The following MAPRE2 variants were observed in gnomAD, a reference collection of about 807,000 sequenced individuals.
The protein encoded by MAPRE2 is microtubule-associated protein RP/EB family member 2.
MAPRE2 carries 13 observed loss-of-function variants against 43.2 expected under a neutral mutation model. That is an observed-to-expected ratio of 0.30 (90% CI 0.20 to 0.48). The LOEUF (loss-of-function observed/expected upper bound fraction) is 0.48. MAPRE2 is among the 20% of genes least tolerant of loss of function. The pLI is 0.99. For synonymous variants in MAPRE2, 135 were observed against 148.8 expected (o/e 0.91, Z 0.68); for missense variants, 161 against 400.2 (o/e 0.40, Z 5.10).
chr18:35,124,370 C>T (rs1909818022), intron 4 of MAPRE2, among the ~76,000 whole-genome samples: 1 of 152,156 alleles, frequency 6.6e-6, no homozygotes, highest in Non-Finnish European at 1.5e-5. Context: ...CCACGGGGTC[C>T]CTCCCACAAC....
chr18:35,138,370 G>C (rs1350005130), intron 6 of MAPRE2, among the ~76,000 whole-genome samples: 1 of 152,190 alleles, frequency 6.6e-6, no homozygotes, highest in African/African-American at 2.4e-5. Context: ...GTTCTAGGTG[G>C]TGAACACAGG....
intron 1 of MAPRE2, among the ~76,000 whole-genome samples, chr18:35,068,567 A>C (rs894034962): frequency 6.6e-6 from 1 of 152,236 alleles, no homozygotes; most frequent in African/African-American, 2.4e-5. Flanking sequence ...TGTTTGGAGA[A>C]TATTAGGGAA....
chr18:35,044,869 T>C (rs371346077), intron 1 of MAPRE2, among the ~76,000 whole-genome samples: 1 of 152,216 alleles, frequency 6.6e-6, no homozygotes, highest in East Asian at 1.9e-4. Context: ...ATGTCAAATT[T>C]GGTTCCTGAC....
chr18:35,040,243 G>A (rs1272710383), upstream of MAPRE2, among the ~76,000 whole-genome samples: 2 of 152,150 alleles, frequency 1.3e-5, no homozygotes, highest in Non-Finnish European at 2.9e-5. Context: ...CTCTCTGGAG[G>A]ACAGTACTGA....
In MAPRE2 at chr18:35,010,113, A is replaced by G. The variant is rs56356735; in HGVS notation, c.-8+4560A>G. Among the ~76,000 whole-genome samples the G allele has an allele frequency of 4.9e-3, 742 of 152,306 alleles. 3 individuals are homozygous for G. The highest frequency in any genetic ancestry group is 0.018 in the South Asian group (85 of 4,818). ...TTTAATTAAAATTTTAATTTAGACC[A>G]TGGTAGGTCACGCCTGTAATCCCAA... On this transcript the variant is annotated intron_variant, in intron 2 of 7. Transcript: ENST00000413393.
chr18:35,056,009 G>A (rs998004837), intron 1 of MAPRE2, among the ~76,000 whole-genome samples: 19 of 151,758 alleles, frequency 1.3e-4, no homozygotes, highest in Non-Finnish European at 1.6e-4. Flanking sequence ...GTTATAACTG[G>A]GTGATGGAAC....
At chr18:35,137,439 A>G (rs1449069983) in intron 6 of MAPRE2, among the ~76,000 whole-genome samples, 3 of 152,238 alleles carry the variant, frequency 2.0e-5, no homozygotes, top group Non-Finnish European at 4.4e-5. Context: ...GATTACTTGA[A>G]TCTAGGTCTT....
intron 1 of MAPRE2, among the ~76,000 whole-genome samples, chr18:35,069,284 A>G (rs564847570): frequency 1.3e-5 from 2 of 152,366 alleles, no homozygotes; most frequent in East Asian, 1.9e-4. Flanking sequence ...ATATGAATCC[A>G]GATTCAAGCA....
intron 1 of MAPRE2, among the ~76,000 whole-genome samples, chr18:34,993,332 G>A (rs562686849): frequency 1.6e-4 from 23 of 147,976 alleles, no homozygotes; most frequent in Admixed American, 6.2e-4. Flanking sequence ...AGATCTCCTC[G>A]GCTCAAGGGA....
In MAPRE2 at chr18:35,103,725, A is replaced by G. The variant is rs73946521; in HGVS notation, c.610+1566A>G. ...ATAGGAAGCAGAGAAGGTGCCAGAA[A>G]GAATGAAGGAAACTAGGAAGTGATG... is the stretch of plus-strand genomic sequence containing the variant. On this transcript the variant is annotated intron_variant, in intron 4 of 6. Transcript: ENST00000300249. Among the ~76,000 whole-genome samples the G allele has an allele frequency of 4.0e-3, 609 of 152,286 alleles. 5 individuals carry two copies. Among genetic ancestry groups the G allele is most frequent in the African/African-American group, 0.014 (578 of 41,572 alleles).
At chr18:35,000,375 G>A (rs929931914) in intron 1 of MAPRE2, among the ~76,000 whole-genome samples, 2 of 152,280 alleles carry the variant, frequency 1.3e-5, no homozygotes, top group East Asian at 3.9e-4. Flanking sequence ...CGATGGCATG[G>A]CATGATTTGA....
At chr18:35,004,918 C>CA (rs576525353) in intron 1 of MAPRE2, among the ~76,000 whole-genome samples, 5,311 of 86,458 alleles carry the variant, frequency 0.061, 121 homozygotes, top group Middle Eastern at 0.085. Context: ...ACTCCATCTC[C>CA]AAAAAAAAAA....
At chr18:35,106,357 T>TGC (rs3837891) in intron 4 of MAPRE2, among the ~76,000 whole-genome samples, 60,266 of 151,732 alleles carry the variant, frequency 0.4, 15,910 homozygotes, top group African/African-American at 0.75. Context: ...AAAATTAGCT[T>TGC]ATGTCCTAAC....
At chr18:34,985,605 ATATAT>A (rs1451587592) in intron 1 of MAPRE2, among the ~76,000 whole-genome samples, 1 of 92,858 alleles carries the variant, frequency 1.1e-5, no homozygotes, top group Non-Finnish European at 2.0e-5. Flanking sequence ...ATAACATATG[ATATAT>A]TATAATAATA....
intron 3 of MAPRE2, among the ~76,000 whole-genome samples, chr18:35,099,816 G>A (rs189867808): frequency 2.2e-3 from 328 of 152,090 alleles, no homozygotes; most frequent in Non-Finnish European, 3.4e-3. Context: ...TTTGTACTTG[G>A]TTTAGTTTCT....
intron 2 of MAPRE2, among the ~76,000 whole-genome samples, chr18:35,084,363 A>G (rs939785359): frequency 6.6e-6 from 1 of 152,220 alleles, no homozygotes; most frequent in African/African-American, 2.4e-5. Flanking sequence ...GGATACTGGC[A>G]CCTTTAACTG....
chr18:35,127,369 G>A (rs992518840), intron 5 of MAPRE2: 5 of 343,696 alleles, frequency 1.5e-5, no homozygotes, highest in South Asian at 1.1e-4. Flanking sequence ...CCTCAGGGCC[G>A]TCAAGAGCTC....
chr18:35,133,682 T>C (rs556869270), intron 6 of MAPRE2, among the ~76,000 whole-genome samples: 1 of 152,352 alleles, frequency 6.6e-6, no homozygotes, highest in South Asian at 2.1e-4. Context: ...ACCCTGAGTC[T>C]AACCTCATGC....
intron 1 of MAPRE2, among the ~76,000 whole-genome samples, chr18:34,995,126 T>C (rs1400678124): frequency 6.6e-6 from 1 of 152,230 alleles, no homozygotes; most frequent in Non-Finnish European, 1.5e-5. Context: ...TGGGCGCTTC[T>C]TTTCCCTCAG....
Sources: allele counts gnomAD v4.1 joint callset (sites outside exome capture counted in the v4.1 genomes callset), GRCh38; gene constraint gnomAD v4.1.1; transcripts MANE v1.5; gene names NCBI Gene and HGNC (gene_info 2026-07-23, HGNC 2026-07-21).